Variants in KRT7 observed in about 807,000 individuals in gnomAD.
KRT7 encodes keratin 7.
In KRT7, 50 loss-of-function variants were observed where a neutral mutation model predicts 42.8. The ratio of observed to expected loss-of-function variants is 1.17; its 90% confidence interval spans 0.93 to 1.48. KRT7 has a LOEUF of 1.48. Ranked by LOEUF, KRT7 falls within the 40% of genes most tolerant of loss-of-function variation. The pLI is 0.00. For missense variants in KRT7, 588 were observed against 637.6 expected, an observed-to-expected ratio of 0.92 and a Z score of 0.84; for synonymous variants, 268 against 266.3, an observed-to-expected ratio of 1.01 and a Z score of -0.06.
At chr12:52,242,340 C>T (rs983783790) in intron 5 of KRT7, among the ~76,000 whole-genome samples, 3 of 152,208 alleles carry the variant, frequency 2.0e-5, no homozygotes, top group African/African-American at 7.2e-5. Flanking sequence ...TAACTGCATA[C>T]AGCTAGTAGA....
intron 6 of KRT7, 46 bp from the exon 7 acceptor site, chr12:52,245,366 A>G: frequency 6.3e-7 from 1 of 1,596,912 alleles, no homozygotes; most frequent in Non-Finnish European, 8.5e-7. Context: ...GCAGGCAGGA[A>G]GGCAGACTGG....
At chr12:52,245,682 T>G (rs1467595482) in intron 7 of KRT7, 50 bp downstream of exon 7, 4 of 1,607,392 alleles carry the variant, frequency 2.5e-6, no homozygotes, top group Non-Finnish European at 8.5e-7. Flanking sequence ...TCCGTGGGGT[T>G]TGGGGCTTGA....
downstream of KRT7, among the ~76,000 whole-genome samples, chr12:52,249,102 G>A (rs1008853979): frequency 1.3e-5 from 2 of 152,164 alleles, no homozygotes; most frequent in South Asian, 2.1e-4. Flanking sequence ...CTCCAGGTCT[G>A]GGGCTGATCC....
In KRT7 at chr12:52,237,555, G is replaced by T. The variant is rs764950547; in HGVS notation, c.583G>T (p.Val195Leu). 6.2e-7 allele frequency: 1 copy of T among 1,611,664 alleles called. No homozygotes were observed. The highest frequency in any genetic ancestry group is 1.3e-5 in the African/African-American group (1 of 74,748). The change falls in exon 3 of 9, where the codon GTG (valine) becomes TTG (leucine). Residue 195 changes from valine (V) to leucine (L), a missense_variant. Coordinates refer to ENST00000331817, the MANE Select transcript of KRT7 (RefSeq NM_005556.4). ...NHRTAAENEF[V>L]VLKKDVDAAY... ...CCGCACAGCTGCTGAGAATGAGTTT[G>T]TGGTGCTGAAGAAGGTGAGTGGGAA...
At chr12:52,248,563 A>C (rs1942213650) in intron 8 of KRT7, 28 bp from the exon 9 acceptor site, 1 of 1,545,786 alleles carries the variant, frequency 6.5e-7, no homozygotes, top group South Asian at 1.2e-5. Flanking sequence ...CCTCACGCTG[A>C]AGAGAGCCCT....
intron 3 of KRT7, 188 bp downstream of exon 3, chr12:52,237,757 TGTGTG>T: frequency 2.2e-6 from 1 of 451,808 alleles, no homozygotes; most frequent in Non-Finnish European, 3.9e-6. Flanking sequence ...TGTGTGTGTG[TGTGTG>T]GTGACTGATT....
At chr12:52,244,049 C>T (rs1942133773) in intron 6 of KRT7, among the ~76,000 whole-genome samples, 1 of 152,220 alleles carries the variant, frequency 6.6e-6, no homozygotes, top group African/African-American at 2.4e-5. Context: ...TAGTGTGTGG[C>T]CAGGGCAGCT....
intron 6 of KRT7, chr12:52,244,375 G>A (rs755107142): frequency 2.9e-5 from 29 of 985,536 alleles, no homozygotes; most frequent in South Asian, 1.4e-4. Flanking sequence ...ACAACAGGGC[G>A]GATCCAGGCC....
In KRT7 at chr12:52,248,470, T is replaced by C. The variant is rs1471339037; in HGVS notation, c.1241-121T>C. 6 of 1,080,518 alleles carry C rather than the reference T, an allele frequency of 5.6e-6. No individual in the cohort carries two copies. In the East Asian group the frequency reaches 1.5e-4, roughly 27 times the overall value. 66.9% of individuals were successfully genotyped at this position (1,080,518 alleles called of 1,614,324 possible). ...CAGATGCTCCTTCTGGGTTGGCCCA[T>C]GGAGGGGGGCAGGGGTGAGGGAGAG... On this transcript the variant is annotated intron_variant, in intron 8 of 8. Coordinates refer to ENST00000331817, the MANE Select transcript of KRT7 (RefSeq NM_005556.4).
intron 1 of KRT7, among the ~76,000 whole-genome samples, chr12:52,234,045 C>G (rs1017184556): frequency 7.2e-6 from 1 of 138,752 alleles, no homozygotes; most frequent in Admixed American, 8.3e-5. Context: ...ACGCCCTTCC[C>G]AGAGGGGGAG....
chr12:52,236,544 A>G (rs957702009), intron 2 of KRT7, among the ~76,000 whole-genome samples: 2 of 152,136 alleles, frequency 1.3e-5, no homozygotes, highest in African/African-American at 2.4e-5. Context: ...GTGCACTGCC[A>G]AGGCAGGGGT....
chr12:52,237,726 A>ATGTTTGTG, intron 3 of KRT7, 157 bp downstream of exon 3: 1 of 345,232 alleles, frequency 2.9e-6, no homozygotes, highest in Non-Finnish European at 5.3e-6. Context: ...GGGTGCGTGT[A>ATGTTTGTG]TGTGTGTGTG....
chr12:52,248,387 A>G (rs1442062782), intron 8 of KRT7, among the ~76,000 whole-genome samples, 176 bp downstream of exon 8: 1 of 152,110 alleles, frequency 6.6e-6, no homozygotes, highest in East Asian at 1.9e-4. Context: ...TGGCCTGGGA[A>G]GCACTACAAG....
chr12:52,233,722 T>G, intron 1 of KRT7, 102 bp downstream of exon 1: 1 of 1,148,290 alleles, frequency 8.7e-7, no homozygotes, highest in Non-Finnish European at 1.3e-6. Flanking sequence ...TGGGGAGCAC[T>G]GCCGCCCTTC....
intron 1 of KRT7, among the ~76,000 whole-genome samples, chr12:52,234,082 G>A (rs973242655): frequency 9.0e-5 from 13 of 144,256 alleles, no homozygotes; most frequent in African/African-American, 3.0e-4. Context: ...ATGCTGATGC[G>A]GATGCAGATG....
At chr12:52,250,557 G>GTC (rs1485616023), downstream of KRT7, 1 of 1,239,124 alleles carries the variant, frequency 8.1e-7, no homozygotes, top group Non-Finnish European at 1.1e-6. Flanking sequence ...GCTGCAGGGG[G>GTC]CACTGCAGAC....
chr12:52,245,556 G>A lies in KRT7; in HGVS notation c.1129G>A (p.Glu377Lys). The change falls in exon 7 of 9, where the codon GAA (glutamate) becomes AAA (lysine). Residue 377 changes from glutamate (E) to lysine (K), a missense_variant. Physicochemically the swap from Glu to Lys is moderately conservative, Grantham distance 56. Transcript: ENST00000331817. The stretch of plus-strand genomic sequence containing the variant: ...GGCACGGCAGCTGCGTGAGTACCAG[G>A]AACTCATGAGCGTGAAGCTGGCCCT... ...DMARQLREYQ[E>K]LMSVKLALDI... 6.2e-7 allele frequency: 1 copy of A among 1,614,178 alleles called. No individual in the cohort carries two copies. The highest frequency in any genetic ancestry group is 8.5e-7 in the Non-Finnish European group (1 of 1,180,044).
At chr12:52,245,725 C>T in intron 7 of KRT7, 93 bp downstream of exon 7, 3 of 1,501,232 alleles carry the variant, frequency 2.0e-6, no homozygotes, top group African/African-American at 1.4e-5. Flanking sequence ...TCCTGTATGC[C>T]CCTCCTCTGC....
chr12:52,253,198 G>C, downstream of KRT7: 1 of 1,596,236 alleles, frequency 6.3e-7, no homozygotes, highest in Non-Finnish European at 8.6e-7. Flanking sequence ...TGAGGGGTGG[G>C]CTGGGCTCCC....
Sources: gnomAD v4.1 joint callset for allele counts (sites outside exome capture counted in the v4.1 genomes callset) on GRCh38, gnomAD v4.1.1 for gene constraint, MANE v1.5 for transcripts, NCBI Gene and HGNC (gene_info 2026-07-23, HGNC 2026-07-21) for gene names.